The following GOLGA8A variants were observed in gnomAD, a reference collection of about 807,000 sequenced individuals.
The protein encoded by GOLGA8A is golgin A8 family member A.
A neutral mutation model predicts 22.1 loss-of-function variants in GOLGA8A; 3 were observed. The ratio of observed to expected loss-of-function variants is 0.14; its 90% CI spans 0.06 to 0.35. The LOEUF (loss-of-function observed/expected upper bound fraction) is 0.35. Ranked by LOEUF, GOLGA8A falls within the 10% of genes least tolerant of loss-of-function variation. The pLI, the probability that GOLGA8A is intolerant of heterozygous loss-of-function variation, is 1.00. For synonymous variants in GOLGA8A, 7 were observed against 91.7 expected, an observed-to-expected ratio of 0.08 and a Z score of 5.28; for missense variants, 16 against 233.2, an observed-to-expected ratio of 0.07 and a Z score of 6.07.
At chr15:34,400,974 T>C in intron 5 of GOLGA8A, among the ~76,000 whole-genome samples, 1 of 89,350 alleles carries the variant, frequency 1.1e-5, no homozygotes, top group Non-Finnish European at 2.6e-5. Context: ...TTTTAAACCA[T>C]TACATCTTAT....
intron 5 of GOLGA8A, 24 bp from the exon 6 acceptor site, chr15:34,400,783 A>G (rs537905503): frequency 6.8e-6 from 1 of 146,254 alleles, no homozygotes; most frequent in East Asian, 1.9e-4. Flanking sequence ...AGTGAGAGAA[A>G]ATACTGACAT....
intron 1 of GOLGA8A, among the ~76,000 whole-genome samples, chr15:34,436,335 G>A (rs1482409871): frequency 2.0e-5 from 3 of 149,734 alleles, no homozygotes; most frequent in Non-Finnish European, 1.5e-5. Flanking sequence ...GAAGGCTGAA[G>A]ACGCCAGAGG....
chr15:34,385,056 GCTT>G lies in GOLGA8A; in HGVS notation c.556_558del (p.Lys186del). 6.1e-6 allele frequency: 1 copy of G among 163,626 alleles called. No homozygotes were observed. Among genetic ancestry groups the G allele is most frequent in the South Asian group, 3.2e-5 (1 of 31,014 alleles). The allele number at this position is 163,626 out of a possible 1,614,324, so 10.1% of individuals were successfully genotyped here. A position where few individuals can be genotyped will look rare whatever the true frequency, so the allele number is the denominator to read the frequency against. On this transcript the variant is annotated inframe_deletion, in exon 16 of 25. Coordinates refer to ENST00000359187, the MANE Select transcript of GOLGA8A (RefSeq NM_181077.5). ...CAGGTGACTGGACTCACCCCATCCG[GCTT>G]CTTCTTCTGTGTGGCGGCGACAGCA...
In GOLGA8A at chr15:34,379,125, T is replaced by C. The variant is rs1405761507; in HGVS notation, c.*2286A>G. ...GTAGCATCACATCAGCAGTCAATAA[T>C]GCCACTTTAAGCAAAAGTCTTTCAG... On this transcript the variant is annotated 3_prime_UTR_variant, in exon 25 of 25. Coordinates refer to ENST00000359187, the MANE Select transcript of GOLGA8A (RefSeq NM_181077.5). 1 of 152,760 alleles carries C rather than the reference T, an allele frequency of 6.5e-6. No homozygotes were observed. Among genetic ancestry groups the C allele is most frequent in the African/African-American group, 2.4e-5 (1 of 41,574 alleles). The allele number at this position is 152,760 out of a possible 1,614,324, so 9.5% of individuals were successfully genotyped here. A position where few individuals can be genotyped will look rare whatever the true frequency, so the allele number is the denominator to read the frequency against.
In GOLGA8A at chr15:34,434,982, G is replaced by C. The variant is rs1490895694; in HGVS notation, c.-1123+401C>G. ...TGTGATCTCTGCCGAAGACATTCAA[G>C]CCACCCAGTGATGTGTGCTGGGCCT... On this transcript the variant is annotated intron_variant, in intron 2 of 24. Transcript: ENST00000359187. 2.0e-5 allele frequency among the ~76,000 whole-genome samples: 3 copies of C among 149,560 alleles called. 1 individual carries two copies. The East Asian group carries it at 5.9e-4, about 29-fold the overall frequency.
At chr15:34,418,123 G>T in intron 2 of GOLGA8A, 1 of 42,146 alleles carries the variant, frequency 2.4e-5, no homozygotes, top group Admixed American at 4.6e-4. Flanking sequence ...AGTAACTGTA[G>T]ATTCTTTAAA....
chr15:34,436,016 G>A lies in GOLGA8A; in HGVS notation c.-1211-545C>T, dbSNP rs1462624144. Among the ~76,000 whole-genome samples, 5 of 149,148 alleles carry A rather than the reference G, an allele frequency of 3.4e-5. 1 individual carries two copies. The highest frequency in any genetic ancestry group is 4.9e-5 in the African/African-American group (2 of 40,428). The stretch of plus-strand genomic sequence containing the variant: ...GCTGTGGGGGAAGGCAGCCCCCACG[G>A]TCACCCAGGAATCAGCGCAGAGTGC... On this transcript the variant is annotated intron_variant, in intron 1 of 24. Coordinates refer to ENST00000359187, the MANE Select transcript of GOLGA8A (RefSeq NM_181077.5).
At chr15:34,434,521 C>T (rs138106809) in intron 2 of GOLGA8A, among the ~76,000 whole-genome samples, 13,848 of 148,714 alleles carry the variant, frequency 0.093, 1,643 homozygotes, top group South Asian at 0.24. Flanking sequence ...AACGACAGTG[C>T]CCATGACAGC....
rs1055124519 is a variant in GOLGA8A, at chr15:34,381,211, G to A, written c.*200C>T. 3 of 929,286 alleles carry A rather than the reference G, an allele frequency of 3.2e-6. No individual in the cohort carries two copies. The highest frequency in any genetic ancestry group is 1.6e-5 in the African/African-American group (1 of 60,672). 57.6% of individuals were successfully genotyped at this position (929,286 alleles called of 1,614,324 possible). ...AAAAGAAAAATGCTGAAGGATGCCA[G>A]AGTGAACATCAGTGAGAGCCACAGA... On this transcript the variant is annotated 3_prime_UTR_variant, in exon 25 of 25. Coordinates refer to ENST00000359187, the MANE Select transcript of GOLGA8A (RefSeq NM_181077.5).
At chr15:34,435,902 C>G (rs1383580179) in intron 1 of GOLGA8A, among the ~76,000 whole-genome samples, 2 of 149,002 alleles carry the variant, frequency 1.3e-5, no homozygotes, top group African/African-American at 5.0e-5. Flanking sequence ...CTGGACACTG[C>G]CCGGAGCCCC....
At position 34,400,725 on chromosome 15, in the gene GOLGA8A, C is replaced by T. The variant is rs1892027988; in HGVS notation, c.-540G>A. On this transcript the variant is annotated 5_prime_UTR_variant, in exon 6 of 25. Coordinates refer to ENST00000359187, the MANE Select transcript of GOLGA8A (RefSeq NM_181077.5). Reference sequence around the variant, plus strand: ...GGCAATACATACCGGATTCATACTTCAGGAAGACAACCCAGTTGACAACGA... The same window carrying T: ...GGCAATACATACCGGATTCATACTTTAGGAAGACAACCCAGTTGACAACGA... 1 of 146,414 alleles carries T rather than the reference C, an allele frequency of 6.8e-6. No homozygotes were observed. Among genetic ancestry groups the T allele is most frequent in the African/African-American group, 2.4e-5 (1 of 40,898 alleles). The allele number at this position is 146,414 out of a possible 1,614,324, so 9.1% of individuals were successfully genotyped here.
chr15:34,433,330 C>T (rs1893341432), intron 2 of GOLGA8A, among the ~76,000 whole-genome samples: 2 of 149,130 alleles, frequency 1.3e-5, no homozygotes, highest in African/African-American at 5.0e-5. Context: ...TTCCAAAGTG[C>T]ATCCACATCC....
rs932277945 is a variant in GOLGA8A at position 34,436,484 on chromosome 15, T to C, written c.-1212+914A>G. Reference sequence around the variant, plus strand: ...CCTGCCAGGTCGTTATCTGAAGAGATCTGAAAAAGTAAGCCTTTCTTCTGC... The same window carrying C: ...CCTGCCAGGTCGTTATCTGAAGAGACCTGAAAAAGTAAGCCTTTCTTCTGC... On this transcript the variant is annotated intron_variant, in intron 1 of 24. Transcript: ENST00000359187. Among the ~76,000 whole-genome samples, 9 of 149,498 alleles carry C rather than the reference T, an allele frequency of 6.0e-5. 1 individual carries two copies. Among genetic ancestry groups the C allele is most frequent in the African/African-American group, 2.2e-4 (9 of 40,530 alleles).
Position 34,437,502 on chromosome 15 carries a change from T to A in GOLGA8A, c.-1316A>T, listed in dbSNP as rs1216305088. 3.0e-5 allele frequency: 1 copy of A among 33,852 alleles called. No individual in the cohort carries two copies. Among genetic ancestry groups the A allele is most frequent in the African/African-American group, 1.6e-4 (1 of 6,226 alleles). 2.1% of individuals were successfully genotyped at this position (33,852 alleles called of 1,614,324 possible). A position where few individuals can be genotyped will look rare whatever the true frequency, so the allele number is the denominator to read the frequency against. ...CGCCGCCGTCCTCGCCGCGCCGCCGTCCTCGCCGCGCCGCCGTCCTCGCCG... is the reference window on the plus strand; with the variant it reads ...CGCCGCCGTCCTCGCCGCGCCGCCGACCTCGCCGCGCCGCCGTCCTCGCCG... On this transcript the variant is annotated 5_prime_UTR_variant, in exon 1 of 25. Coordinates refer to ENST00000359187, the MANE Select transcript of GOLGA8A (RefSeq NM_181077.5).
At chr15:34,427,400 C>A (rs1287657736) in intron 2 of GOLGA8A, among the ~76,000 whole-genome samples, 2 of 147,012 alleles carry the variant, frequency 1.4e-5, no homozygotes, top group Non-Finnish European at 3.0e-5. Flanking sequence ...AGAAAATAAT[C>A]GAGTCCGTTT....
intron 2 of GOLGA8A, among the ~76,000 whole-genome samples, chr15:34,427,812 C>T (rs1304873642): frequency 6.8e-6 from 1 of 148,076 alleles, no homozygotes; most frequent in Admixed American, 6.9e-5. Context: ...CCCAGCCCAT[C>T]AGGTCACCGG....
rs902810134 is a variant in GOLGA8A at position 34,430,525 on chromosome 15, A to T, written c.-1123+4858T>A. Among the ~76,000 whole-genome samples the T allele has an allele frequency of 2.0e-4, 30 of 149,092 alleles. 1 individual carries two copies. The highest frequency in any genetic ancestry group is 7.2e-4 in the African/African-American group (29 of 40,414). On this transcript the variant is annotated intron_variant, in intron 2 of 24. Coordinates refer to ENST00000359187, the MANE Select transcript of GOLGA8A (RefSeq NM_181077.5). ...GGGCTCAGAATCTAGCAGTCAGGCC[A>T]GGTGGGAAGTGCAGGGACCTGTGGC... is the stretch of plus-strand genomic sequence containing the variant.
In GOLGA8A at chr15:34,434,915, G is replaced by A. The variant is rs1893429805; in HGVS notation, c.-1123+468C>T. Reference sequence around the variant, plus strand: ...GCCAGGGCCGCTGCCCAGGCCCAGAGCTCTCTCCGTTTCTCTAAGGACCAG... The same window carrying A: ...GCCAGGGCCGCTGCCCAGGCCCAGAACTCTCTCCGTTTCTCTAAGGACCAG... On this transcript the variant is annotated intron_variant, in intron 2 of 24. Transcript: ENST00000359187. Among the ~76,000 whole-genome samples the A allele has an allele frequency of 1.3e-5, 2 of 149,440 alleles. 1 individual carries two copies. The highest frequency in any genetic ancestry group is 4.3e-4 in the South Asian group (2 of 4,666).
At chr15:34,428,525 C>A (rs1893082756) in intron 2 of GOLGA8A, 1 of 149,292 alleles carries the variant, frequency 6.7e-6, no homozygotes, top group African/African-American at 2.5e-5. Flanking sequence ...CGGACGTGGG[C>A]CTCACGGGAG....
Sources: allele counts gnomAD v4.1 joint callset (sites outside exome capture counted in the v4.1 genomes callset), GRCh38; gene constraint gnomAD v4.1.1; transcripts MANE v1.5; gene names NCBI Gene and HGNC (gene_info 2026-07-23, HGNC 2026-07-21).